KCTD19: variants seen among roughly 807,000 people sequenced by gnomAD.
KCTD19 encodes BTB/POZ domain-containing protein KCTD19.
KCTD19 carries 67 observed loss-of-function variants against 103.5 expected under a neutral mutation model. The observed-to-expected ratio is 0.65, with a 90% CI of 0.53 to 0.79. The LOEUF (loss-of-function observed/expected upper bound fraction) is 0.79. KCTD19 is among the 30% of genes least tolerant of loss of function. The pLI is 0.00. For missense variants in KCTD19, 980 were observed against 1,136.1 expected, an observed-to-expected ratio of 0.86 and a Z score of 1.98; for synonymous variants, 439 against 452.2, an observed-to-expected ratio of 0.97 and a Z score of 0.37.
At chr16:67,296,000 C>T (rs2036760298) in intron 8 of KCTD19, 159 bp downstream of exon 8, 3 of 607,622 alleles carry the variant, frequency 4.9e-6, no homozygotes, top group Non-Finnish European at 6.0e-6. Context: ...ACCTCAGCCT[C>T]CCAAAGTGCT....
chr16:67,324,352 C>A (rs2037107143), intron 1 of KCTD19, among the ~76,000 whole-genome samples: 1 of 152,074 alleles, frequency 6.6e-6, no homozygotes, highest in African/African-American at 2.4e-5. Context: ...CTAAAAAGAA[C>A]CATAAAACAA....
chr16:67,302,252 G>A (rs1489491639), intron 4 of KCTD19: 1 of 255,066 alleles, frequency 3.9e-6, no homozygotes, highest in Non-Finnish European at 7.6e-6. Context: ...TTCCAAAAGA[G>A]GGAGTTGTCT....
intron 5 of KCTD19, chr16:67,301,451 G>A (rs1278443512): frequency 1.0e-5 from 2 of 194,314 alleles, no homozygotes; most frequent in Admixed American, 1.1e-4. Context: ...CACAAGCAGG[G>A]CAGACCTCCC....
chr16:67,296,801 C>G (rs2142504667), intron 7 of KCTD19, among the ~76,000 whole-genome samples: 1 of 152,186 alleles, frequency 6.6e-6, no homozygotes, highest in Middle Eastern at 3.4e-3. Flanking sequence ...GTTTGGGAAG[C>G]AGTTTCTAAT....
In KCTD19 at chr16:67,303,118, C is replaced by G; in HGVS notation, c.643+28G>C. 4.2e-6 allele frequency: 2 copies of G among 479,076 alleles called. No homozygotes were observed. Among genetic ancestry groups the G allele is most frequent in the Non-Finnish European group, 7.8e-6 (2 of 254,906 alleles). 29.7% of individuals were successfully genotyped at this position (479,076 alleles called of 1,614,324 possible). A position where few individuals can be genotyped will look rare whatever the true frequency, so the allele number is the denominator to read the frequency against. Reference sequence around the variant, plus strand: ...GTGAATGGGCCCTATCAGCCCGCCCCCCACCCCACCCCGGACAGAGCAATC... The same window carrying G: ...GTGAATGGGCCCTATCAGCCCGCCCGCCACCCCACCCCGGACAGAGCAATC... On this transcript the variant is annotated intron_variant, in intron 4 of 15. Transcript: ENST00000304372. The surrounding 1 kb of genome is among the most constrained non-coding windows in gnomAD (Gnocchi z 4.3).
Position 67,297,574 on chromosome 16 carries a change from G to A in KCTD19, c.1076C>T (p.Thr359Ile), listed in dbSNP as rs1310861386. Residue 359 changes from threonine to isoleucine, a missense_variant, in exon 7 of 16, where the codon ACC (threonine) becomes ATC (isoleucine). By Grantham distance (89) the Thr-to-Ile change is moderately conservative. Coordinates refer to ENST00000304372, the MANE Select transcript of KCTD19 (RefSeq NM_001100915.3). Reference sequence around the variant, plus strand: ...CAAAGCAACTTTGATTGGCTCGTAGGTGATGTCCCTTTTGTCTAGGAAGGC... The same window carrying A: ...CAAAGCAACTTTGATTGGCTCGTAGATGATGTCCCTTTTGTCTAGGAAGGC... The part of the protein sequence containing the change: ...LCAFLDKRDI[T>I]YEPIKVALKT... The A allele has an allele frequency of 1.2e-6, 2 of 1,614,124 alleles. No homozygotes were observed. The highest frequency in any genetic ancestry group is 4.5e-5 in the East Asian group (2 of 44,872).
chr16:67,297,790 G>A (rs781770313), intron 6 of KCTD19, 127 bp from the exon 7 acceptor site: 5 of 844,732 alleles, frequency 5.9e-6, no homozygotes, highest in Admixed American at 5.3e-5. Context: ...CATTAACATC[G>A]TTTCCTTGTA....
intron 2 of KCTD19, among the ~76,000 whole-genome samples, chr16:67,314,222 C>G (rs1174415241): frequency 6.9e-6 from 1 of 144,610 alleles, no homozygotes. Context: ...CCTTTCTTCT[C>G]TCTCTCCCTC....
chr16:67,293,408 TG>T lies in KCTD19; in HGVS notation c.2218+135del, dbSNP rs2036722013. 3.1e-6 allele frequency: 3 copies of T among 956,790 alleles called. No individual in the cohort carries two copies. The highest frequency in any genetic ancestry group is 4.7e-6 in the Non-Finnish European group (3 of 633,326). 59.3% of individuals were successfully genotyped at this position (956,790 alleles called of 1,614,324 possible). ...ATGTGCCAGTCATTTCTGTGTCTGCTGCCTGGCACAGAGATGGCATTGGTGA... is the reference window on the plus strand; with the variant it reads ...ATGTGCCAGTCATTTCTGTGTCTGCTCCTGGCACAGAGATGGCATTGGTGA... On this transcript the variant is annotated intron_variant, in intron 12 of 15. Coordinates refer to ENST00000304372, the MANE Select transcript of KCTD19 (RefSeq NM_001100915.3). The surrounding 1 kb of genome is among the most constrained non-coding windows in gnomAD (Gnocchi z 4.0).
chr16:67,295,576 G>A, intron 8 of KCTD19, 171 bp from the exon 9 acceptor site: 1 of 604,396 alleles, frequency 1.7e-6, no homozygotes, highest in Non-Finnish European at 2.8e-6. Context: ...AGCTTCCAGG[G>A]AGAAGCACAT....
Position 67,313,196 on chromosome 16 carries a change from G to A in KCTD19, c.300+7393C>T, listed in dbSNP as rs57686312. ...GCGATCTCAGCTCACTGCAACCACC[G>A]TCTCCTAGGTTCAAGCGATTCTCTC... On this transcript the variant is annotated intron_variant, in intron 2 of 15. Coordinates refer to ENST00000304372, the MANE Select transcript of KCTD19 (RefSeq NM_001100915.3). Among the ~76,000 whole-genome samples the A allele has an allele frequency of 4.7e-3, 710 of 151,374 alleles. 4 individuals are homozygous for A. The highest frequency in any genetic ancestry group is 0.016 in the African/African-American group (641 of 41,182).
chr16:67,294,786 T>G (rs1350293475), intron 10 of KCTD19, 92 bp from the exon 11 acceptor site: 1 of 1,047,588 alleles, frequency 9.5e-7, no homozygotes, highest in Non-Finnish European at 1.5e-6. Context: ...TGGGAGTTAA[T>G]GCTAGACAGC....
At chr16:67,295,611 C>A in intron 8 of KCTD19, 1 of 497,680 alleles carries the variant, frequency 2.0e-6, no homozygotes, top group South Asian at 2.9e-5. Flanking sequence ...CTTTTGATGG[C>A]CCCTAGACCA....
chr16:67,324,349 G>T (rs966320240), intron 1 of KCTD19, among the ~76,000 whole-genome samples: 2 of 152,128 alleles, frequency 1.3e-5, no homozygotes, highest in African/African-American at 4.8e-5. Flanking sequence ...TACCTAAAAA[G>T]AACCATAAAA....
rs200587937 is a variant in KCTD19 at position 67,320,720 on chromosome 16, C to A, written c.169G>T (p.Asp57Tyr). ...TGCCTAAATGTGGAACCATCTCTGTCGATAAATAGCCTCTGGCTTTCTGAA... is the reference window on the plus strand; with the variant it reads ...TGCCTAAATGTGGAACCATCTCTGTAGATAAATAGCCTCTGGCTTTCTGAA... ...TSSESQRLFIDRDGSTFRHVH... is the reference protein window; with the variant it reads ...TSSESQRLFIYRDGSTFRHVH... Residue 57 changes from aspartate (D) to tyrosine (Y), a missense_variant, in exon 2 of 16, where the codon GAC (aspartate) becomes TAC (tyrosine). By Grantham distance (160) the Asp-to-Tyr change is radical. Coordinates refer to ENST00000304372, the MANE Select transcript of KCTD19 (RefSeq NM_001100915.3). This position sits in a 1 kb window ranked among gnomAD's most constrained non-coding sequence, Gnocchi z 4.0. 6.2e-7 allele frequency: 1 copy of A among 1,614,100 alleles called. No homozygotes were observed. Among genetic ancestry groups the A allele is most frequent in the East Asian group, 2.2e-5 (1 of 44,868 alleles).
intron 2 of KCTD19, among the ~76,000 whole-genome samples, chr16:67,318,235 C>T (rs1175467352): frequency 6.6e-6 from 1 of 152,144 alleles, no homozygotes; most frequent in Non-Finnish European, 1.5e-5. Flanking sequence ...ATTGGACCAA[C>T]CCATTGGCTT....
At chr16:67,305,649 C>T (rs549729151) in intron 2 of KCTD19, 1 of 454,194 alleles carries the variant, frequency 2.2e-6, no homozygotes, top group South Asian at 1.6e-5. Context: ...AGCACCCCCT[C>T]CCTTTTTTTT....
At chr16:67,319,555 T>G (rs1489283366) in intron 2 of KCTD19, among the ~76,000 whole-genome samples, 44 of 152,120 alleles carry the variant, frequency 2.9e-4, no homozygotes, top group Admixed American at 2.9e-3. Flanking sequence ...AAAGAATTGT[T>G]CAAAAACTAC....
chr16:67,320,555 G>T lies in KCTD19; in HGVS notation c.300+34C>A. 1.2e-6 allele frequency: 2 copies of T among 1,600,122 alleles called. No individual in the cohort carries two copies. Among genetic ancestry groups the T allele is most frequent in the South Asian group, 1.1e-5 (1 of 89,902 alleles). ...TTTAGTGATGTAAAGCCATGTTACTGATCCACCACTCCCAGAAAACAAGAG... is the reference window on the plus strand; with the variant it reads ...TTTAGTGATGTAAAGCCATGTTACTTATCCACCACTCCCAGAAAACAAGAG... On this transcript the variant is annotated intron_variant, in intron 2 of 15. Coordinates refer to ENST00000304372, the MANE Select transcript of KCTD19 (RefSeq NM_001100915.3). The surrounding 1 kb of genome is among the most constrained non-coding windows in gnomAD (Gnocchi z 4.0).
Sources: allele counts gnomAD v4.1 joint callset (sites outside exome capture counted in the v4.1 genomes callset), GRCh38; gene constraint gnomAD v4.1.1; non-coding constraint Gnocchi (gnomAD v3.1); transcripts MANE v1.5; gene names NCBI Gene and HGNC (gene_info 2026-07-23, HGNC 2026-07-21).